POLB: variants seen among roughly 807,000 people sequenced by gnomAD.
The protein encoded by POLB is DNA polymerase beta, also known as 5'-dRP lyase.
Under a neutral mutation model 52.7 loss-of-function variants are expected in POLB, and 37 were observed. That is an observed-to-expected ratio of 0.70 (90% CI 0.54 to 0.92). The LOEUF is 0.92. Among genes scored for constraint, POLB ranks in the 40% least tolerant of loss-of-function variants. The probability of loss-of-function intolerance (pLI) is 0.00; values close to 1 mark genes in which losing one functional copy is unlikely to be tolerated. For synonymous variants in POLB, 138 were observed against 131.3 expected (o/e 1.05, Z -0.35); for missense variants, 313 against 400.8 (o/e 0.78, Z 1.87).
intron 2 of POLB, chr8:42,339,857 C>G (rs1030833660): frequency 2.0e-5 from 3 of 152,054 alleles, no homozygotes; most frequent in African/African-American, 7.3e-5. Flanking sequence ...AGGCATCAGC[C>G]TCGGTGTCAG....
chr8:42,356,418 C>T (rs1823319747), intron 7 of POLB, among the ~76,000 whole-genome samples: 1 of 152,216 alleles, frequency 6.6e-6, no homozygotes, highest in Non-Finnish European at 1.5e-5. Flanking sequence ...AATTTCCTAA[C>T]AGCCTTATTG....
At chr8:42,359,136 T>G (rs1452343351) in intron 9 of POLB, among the ~76,000 whole-genome samples, 1 of 152,188 alleles carries the variant, frequency 6.6e-6, no homozygotes, top group African/African-American at 2.4e-5. Flanking sequence ...ATGCACTCTT[T>G]CCTACTCCTT....
chr8:42,361,237 A>G (rs1765678334), intron 9 of POLB, 58 bp from the exon 10 acceptor site: 1 of 1,243,758 alleles, frequency 8.0e-7, no homozygotes, highest in Non-Finnish European at 1.2e-6. Context: ...GCTTGGTTCC[A>G]TTTGCCCAAT....
At position 42,369,960 on chromosome 8, in the gene POLB, G is replaced by T. The variant is rs1312850074; in HGVS notation, c.885G>T (p.Glu295Asp). ...TAGAAAAGGGTTTCACAATCAATGA[G>T]TACACCATCCGTCCCTTGGGAGTCA... is the stretch of plus-strand genomic sequence containing the variant. ...HALEKGFTIN[E>D]YTIRPLGVTG... Residue 295 changes from glutamate (E) to aspartate (D), a missense_variant, in exon 13 of 14, where the codon GAG becomes GAT. Transcript: ENST00000265421. The T allele has an allele frequency of 6.2e-7, 1 of 1,610,158 alleles. No homozygotes were observed. Among genetic ancestry groups the T allele is most frequent in the Admixed American group, 1.7e-5 (1 of 59,902 alleles).
At chr8:42,365,276 A>G (rs1174757586) in intron 11 of POLB, among the ~76,000 whole-genome samples, 1 of 152,188 alleles carries the variant, frequency 6.6e-6, no homozygotes, top group African/African-American at 2.4e-5. Context: ...ATAAAAGTAA[A>G]GGTTCTAGTC....
At position 42,361,359 on chromosome 8, in the gene POLB, C is replaced by A; in HGVS notation, c.615C>A (p.Thr205=). The change falls in exon 10 of 14, where the codon ACC becomes ACA. Residue 205 remains threonine (T), a synonymous_variant. Coordinates refer to ENST00000265421, the MANE Select transcript of POLB (RefSeq NM_002690.3). The part of the protein sequence containing the change: ...LTHPSFTSES[T]KQPKLLHQVV... ...ATCCCAGCTTCACTTCAGAATCAAC[C>A]AAACAGGTGCCTCAGAGTTTATAAT... 1 of 1,601,344 alleles carries A rather than the reference C, an allele frequency of 6.2e-7. No individual in the cohort carries two copies. The highest frequency in any genetic ancestry group is 8.6e-7 in the Non-Finnish European group (1 of 1,168,352).
intron 2 of POLB, chr8:42,340,189 C>T (rs983576224): frequency 1.3e-5 from 2 of 152,184 alleles, no homozygotes; most frequent in Non-Finnish European, 2.9e-5. Context: ...TCTTTCATCT[C>T]TTCTTCTGTC....
At chr8:42,355,625 A>T in intron 7 of POLB, 58 bp downstream of exon 7, 1 of 1,000,888 alleles carries the variant, frequency 1.0e-6, no homozygotes, top group East Asian at 2.4e-5. Flanking sequence ...TTTTATAGAC[A>T]TTCTTTTATA....
intron 5 of POLB, among the ~76,000 whole-genome samples, chr8:42,351,910 C>G (rs914207501): frequency 5.3e-5 from 8 of 152,176 alleles, no homozygotes; most frequent in African/African-American, 1.9e-4. Flanking sequence ...TAGTTTTTCT[C>G]TTCTCTTGAA....
chr8:42,349,007 T>C lies in POLB; in HGVS notation c.187-9T>C. Reference sequence around the variant, plus strand: ...CATATGACTTTTATATTTCTAATTTTCCATGTAGCCTGGAGTAGGAACAAA... The same window carrying C: ...CATATGACTTTTATATTTCTAATTTCCCATGTAGCCTGGAGTAGGAACAAA... On this transcript the variant is annotated splice_polypyrimidine_tract_variant and intron_variant, in intron 3 of 13. Coordinates refer to ENST00000265421, the MANE Select transcript of POLB (RefSeq NM_002690.3). The C allele has an allele frequency of 6.5e-7, 1 of 1,529,012 alleles. No individual in the cohort carries two copies. Among genetic ancestry groups the C allele is most frequent in the Non-Finnish European group, 9.0e-7 (1 of 1,107,618 alleles). 94.7% of individuals were successfully genotyped at this position (1,529,012 alleles called of 1,614,324 possible).
chr8:42,340,195 C>T (rs1194756405), intron 2 of POLB: 1 of 152,212 alleles, frequency 6.6e-6, no homozygotes, highest in Admixed American at 6.5e-5. Context: ...ATCTCTTCTT[C>T]TGTCTTACCT....
At chr8:42,356,121 A>G (rs1042997807) in intron 7 of POLB, among the ~76,000 whole-genome samples, 5 of 152,240 alleles carry the variant, frequency 3.3e-5, no homozygotes, top group Admixed American at 6.5e-5. Context: ...ATTTACAGTT[A>G]TAGTGCATAA....
chr8:42,366,610 C>G (rs3136787), intron 11 of POLB, among the ~76,000 whole-genome samples: 3 of 152,088 alleles, frequency 2.0e-5, no homozygotes, highest in African/African-American at 7.2e-5. Context: ...GAGAAGCACT[C>G]GAGGTCAACT....
At chr8:42,348,266 GAA>G (rs1266572224) in intron 3 of POLB, among the ~76,000 whole-genome samples, 3 of 152,166 alleles carry the variant, frequency 2.0e-5, no homozygotes, top group Non-Finnish European at 4.4e-5. Context: ...ATAAAAAAAT[GAA>G]AAGACAGGAT....
At chr8:42,358,565 G>C (rs1823478399) in intron 9 of POLB, among the ~76,000 whole-genome samples, 1 of 152,144 alleles carries the variant, frequency 6.6e-6, no homozygotes, top group African/African-American at 2.4e-5. Context: ...ACATTTTAGA[G>C]TATGTTAGAG....
intron 11 of POLB, among the ~76,000 whole-genome samples, chr8:42,366,281 A>C (rs989201077): frequency 6.6e-6 from 1 of 152,168 alleles, no homozygotes; most frequent in Non-Finnish European, 1.5e-5. Flanking sequence ...CCCTATCTTG[A>C]CTTCCCTGTC....
At chr8:42,341,593 C>T (rs1461919222) in intron 2 of POLB, among the ~76,000 whole-genome samples, 1 of 152,178 alleles carries the variant, frequency 6.6e-6, no homozygotes, top group Non-Finnish European at 1.5e-5. Context: ...ATACCGTCAG[C>T]GAGCTCCCAG....
chr8:42,370,341 G>T (rs1469137728), intron 13 of POLB, among the ~76,000 whole-genome samples: 6 of 137,296 alleles, frequency 4.4e-5, no homozygotes, highest in Non-Finnish European at 7.7e-5. Flanking sequence ...ATTGTTTTCA[G>T]TGCCACATAC....
In POLB at chr8:42,355,538, A is replaced by G. The variant is rs1162950164; in HGVS notation, c.393A>G (p.Lys131=). 6.3e-7 allele frequency: 1 copy of G among 1,592,046 alleles called. No homozygotes were observed. The highest frequency in any genetic ancestry group is 8.6e-7 in the Non-Finnish European group (1 of 1,160,514). ...TLEDLRKNED[K]LNHHQRIGLK... is the part of the protein sequence containing the mutation. ...CAGATCTCAGAAAAAATGAAGATAA[A>G]TTGAACCATCATCAGCGAATTGGGC... The change falls in exon 7 of 14, where the codon AAA becomes AAG. Residue 131 remains lysine, a synonymous_variant. Coordinates refer to ENST00000265421, the MANE Select transcript of POLB (RefSeq NM_002690.3).
Sources: gnomAD v4.1 joint callset for allele counts (sites outside exome capture counted in the v4.1 genomes callset) on GRCh38, gnomAD v4.1.1 for gene constraint, MANE v1.5 for transcripts, NCBI Gene and HGNC (gene_info 2026-07-23, HGNC 2026-07-21) for gene names.